ILDR2: variants seen among roughly 807,000 people sequenced by gnomAD.
The protein encoded by ILDR2 is immunoglobulin like domain containing receptor 2, also known as immunoglobulin-like domain-containing receptor 2.
In ILDR2, 25 loss-of-function variants were observed where a neutral mutation model predicts 66.8. The observed-to-expected ratio is 0.37, with a 90% CI of 0.27 to 0.52. The LOEUF is 0.52. ILDR2 is among the 20% of genes least tolerant of loss of function. The pLI is 0.88. For missense variants in ILDR2, 827 were observed against 876.8 expected, an observed-to-expected ratio of 0.94 and a Z score of 0.72; for synonymous variants, 367 against 357.2, an observed-to-expected ratio of 1.03 and a Z score of -0.31.
At chr1:166,902,269 A>G (rs1553224189) in intron 2 of ILDR2, among the ~76,000 whole-genome samples, 1 of 152,248 alleles carries the variant, frequency 6.6e-6, no homozygotes, top group Non-Finnish European at 1.5e-5. Flanking sequence ...CAGATTAGGA[A>G]GAAGAAATAA....
rs1173861991 is a variant in ILDR2 at position 166,936,616 on chromosome 1, T to C, written c.678A>G (p.Pro226=). 3 of 1,613,996 alleles carry C rather than the reference T, an allele frequency of 1.9e-6. No individual in the cohort carries two copies. The South Asian group carries it at 3.3e-5, about 18-fold the overall frequency. ...CCCYVRCPCC[P]DSCCCPQALY... ...AGGCTTGAGGGCAGCAGCAGGAATC[T>C]GGGCAGCATGGGCAGCGGACATAGC... Residue 226 remains proline (P), a synonymous_variant, in exon 5 of 10, where the codon CCA becomes CCG. Transcript: ENST00000271417. This position sits in a 1 kb window ranked among gnomAD's most constrained non-coding sequence, Gnocchi z 5.0.
chr1:166,920,734 C>A lies in ILDR2; in HGVS notation c.1857G>T (p.Lys619Asn). 6.9e-7 allele frequency: 1 copy of A among 1,448,662 alleles called. No individual in the cohort carries two copies. Among genetic ancestry groups the A allele is most frequent in the African/African-American group, 1.5e-5 (1 of 67,290 alleles). 89.7% of individuals were successfully genotyped at this position (1,448,662 alleles called of 1,614,324 possible). The part of the protein sequence containing the change: ...DLPYHSNSEK[K>N]RKKEPAKKTN... ...TTTTCTTGGCGGGCTCCTTTTTCCT[C>A]TTCTTCTCCGAGTTGCTGTGGTAGG... Residue 619 changes from lysine (K) to asparagine (N), a missense_variant, in exon 9 of 10, where the codon AAG becomes AAT. Physicochemically the swap from Lys to Asn is moderately conservative, Grantham distance 94. Around this residue, in one of 2 missense-constraint regions of ILDR2, gnomAD observed 390 missense variants for 353.6 expected, o/e 1.10. Coordinates refer to ENST00000271417, the MANE Select transcript of ILDR2 (RefSeq NM_199351.3).
At chr1:166,972,541 G>A (rs1259509779) in intron 1 of ILDR2, among the ~76,000 whole-genome samples, 2 of 152,132 alleles carry the variant, frequency 1.3e-5, no homozygotes, top group Non-Finnish European at 2.9e-5. Context: ...ATTACAGGAA[G>A]CAACATCACA....
In ILDR2 at chr1:166,922,675, C is replaced by T; in HGVS notation, c.1129G>A (p.Val377Ile). 1 of 1,614,208 alleles carries T rather than the reference C, an allele frequency of 6.2e-7. No homozygotes were observed. The change falls in exon 8 of 10, where the codon GTC becomes ATC. Residue 377 changes from valine (V) to isoleucine (I), a missense_variant. By Grantham distance (29) the Val-to-Ile change is conservative. Around this residue, in one of 2 missense-constraint regions of ILDR2, gnomAD observed 437 missense variants for 523.2 expected, o/e 0.84. Transcript: ENST00000271417. Reference protein sequence around the residue: ...LESNPDYWSGVMGGSSGASRG... With the variant: ...LESNPDYWSGIMGGSSGASRG... ...CTTGCCCCACTGCTGCCTCCCATGA[C>T]ACCTGACCAATAGTCAGGATTGCTC...
intron 4 of ILDR2, among the ~76,000 whole-genome samples, chr1:166,938,273 G>T (rs1223636020): frequency 1.3e-5 from 2 of 152,194 alleles, no homozygotes; most frequent in Non-Finnish European, 1.5e-5. Flanking sequence ...CTACAACTTG[G>T]GTCAAGCATT....
chr1:166,919,307 C>T lies in ILDR2; in HGVS notation c.*48G>A, dbSNP rs1412521770. On this transcript the variant is annotated 3_prime_UTR_variant, in exon 10 of 10. Coordinates refer to ENST00000271417, the MANE Select transcript of ILDR2 (RefSeq NM_199351.3). ...TGGTTCTTAGATTTGTGTCTTGTCC[C>T]CGTAGTCCATGTCTGATTTCTCATT... 1 of 1,557,640 alleles carries T rather than the reference C, an allele frequency of 6.4e-7. No homozygotes were observed. The highest frequency in any genetic ancestry group is 8.8e-7 in the Non-Finnish European group (1 of 1,131,988).
At chr1:166,957,728 C>A (rs2101982211) in intron 2 of ILDR2, 41 bp downstream of exon 2, 2 of 1,511,256 alleles carry the variant, frequency 1.3e-6, no homozygotes, top group Non-Finnish European at 1.8e-6. Context: ...TGAAACTAAC[C>A]TCCCTCCCAT....
intron 8 of ILDR2, 114 bp downstream of exon 8, chr1:166,922,479 C>G: frequency 1.3e-6 from 1 of 777,042 alleles, no homozygotes; most frequent in Non-Finnish European, 2.2e-6. Flanking sequence ...GTCAGGATAA[C>G]CTGGAATGGG....
intron 6 of ILDR2, 92 bp downstream of exon 6, chr1:166,935,209 G>A (rs1435702361): frequency 8.0e-7 from 1 of 1,249,984 alleles, no homozygotes. Flanking sequence ...ATTTTCCAAA[G>A]ACACATCACT....
intron 8 of ILDR2, among the ~76,000 whole-genome samples, chr1:166,922,205 C>T (rs1041722086): frequency 8.6e-5 from 13 of 151,882 alleles, no homozygotes; most frequent in Non-Finnish European, 1.5e-4. Context: ...ATCGCTTGAG[C>T]TCAGGAGTTC....
chr1:166,947,292 C>G (rs768206385), intron 3 of ILDR2, among the ~76,000 whole-genome samples: 1 of 152,182 alleles, frequency 6.6e-6, no homozygotes, highest in Non-Finnish European at 1.5e-5. Context: ...GCCACAGATA[C>G]AAAGATAGCA....
intron 3 of ILDR2, among the ~76,000 whole-genome samples, chr1:166,940,019 T>A (rs1661217625): frequency 6.6e-6 from 1 of 152,234 alleles, no homozygotes; most frequent in Admixed American, 6.5e-5. Context: ...CTCAGAATTA[T>A]CTCACTACAT....
chr1:166,945,746 G>T (rs776252895), intron 3 of ILDR2, among the ~76,000 whole-genome samples: 1 of 152,344 alleles, frequency 6.6e-6, no homozygotes, highest in East Asian at 1.9e-4. Context: ...GGAAAAGGAA[G>T]TATAACATTT....
intron 2 of ILDR2, among the ~76,000 whole-genome samples, chr1:166,896,754 G>C (rs989747130): frequency 5.9e-5 from 9 of 151,298 alleles, no homozygotes; most frequent in African/African-American, 2.2e-4. Flanking sequence ...TCCTGCCTCA[G>C]CCTCCTCAGT....
At chr1:166,905,850 C>G (rs1232565495), downstream of ILDR2, among the ~76,000 whole-genome samples, 1 of 152,160 alleles carries the variant, frequency 6.6e-6, no homozygotes, top group Non-Finnish European at 1.5e-5. Flanking sequence ...AATCTGTGGC[C>G]ATACTCTATC....
At chr1:166,905,092 G>T (rs118174409), downstream of ILDR2, among the ~76,000 whole-genome samples, 1 of 152,180 alleles carries the variant, frequency 6.6e-6, no homozygotes, top group Non-Finnish European at 1.5e-5. Context: ...AAAGGGGATT[G>T]TATTCATAAT....
chr1:166,906,768 A>C (rs1296503483), downstream of ILDR2, among the ~76,000 whole-genome samples: 5 of 152,234 alleles, frequency 3.3e-5, no homozygotes, highest in African/African-American at 1.2e-4. Flanking sequence ...TGCTTAGGAA[A>C]CATTTGGAGG....
At chr1:166,953,195 C>T (rs879765546) in intron 3 of ILDR2, among the ~76,000 whole-genome samples, 2 of 152,142 alleles carry the variant, frequency 1.3e-5, no homozygotes, top group African/African-American at 2.4e-5. Context: ...GGACAACTGA[C>T]CAAAGTGGGT....
At chr1:166,896,153 A>ATGC (rs1659163734) in intron 2 of ILDR2, 1 of 152,256 alleles carries the variant, frequency 6.6e-6, no homozygotes, top group African/African-American at 2.4e-5. Context: ...AACTCCATCA[A>ATGC]TGCTCAACAA....
Sources: gnomAD v4.1 joint callset for allele counts (sites outside exome capture counted in the v4.1 genomes callset) on GRCh38, gnomAD v4.1.1 for gene constraint, gnomAD v4.1.1 regional missense constraint, Gnocchi (gnomAD v3.1) non-coding constraint, MANE v1.5 for transcripts, NCBI Gene and HGNC (gene_info 2026-07-23, HGNC 2026-07-21) for gene names.